Variants in UST observed in about 807,000 individuals in gnomAD.
UST encodes uronyl 2-sulfotransferase.
A neutral mutation model predicts 45.6 loss-of-function variants in UST; 21 were observed. That is an observed-to-expected ratio of 0.46 (90% confidence interval 0.33 to 0.66). The LOEUF is 0.66. Among genes scored for constraint, UST ranks in the 30% least tolerant of loss-of-function variants. The pLI is 0.02. For missense variants in UST, 463 were observed against 512.4 expected (o/e 0.90, Z 0.93); for synonymous variants, 215 against 200.6 (o/e 1.07, Z -0.61).
At position 148,748,184 on chromosome 6, in the gene UST, C is replaced by T. The variant is rs891397629; in HGVS notation, c.247+507C>T. 2.0e-5 allele frequency among the ~76,000 whole-genome samples: 3 copies of T among 152,198 alleles called. No individual in the cohort carries two copies. Among genetic ancestry groups the T allele is most frequent in the African/African-American group, 7.2e-5 (3 of 41,466 alleles). On this transcript the variant is annotated intron_variant, in intron 1 of 7. Coordinates refer to ENST00000367463, the MANE Select transcript of UST (RefSeq NM_005715.3). This position sits in a 1 kb window ranked among gnomAD's most constrained non-coding sequence, Gnocchi z 5.3. ...TTCTGTCCCGCAGATCCCCCGCCTG[C>T]CCGCCGGCCCTAGTGGCTCCGCGCT...
At chr6:148,810,560 T>A (rs897962452) in intron 1 of UST, among the ~76,000 whole-genome samples, 2 of 152,174 alleles carry the variant, frequency 1.3e-5, no homozygotes, top group Non-Finnish European at 2.9e-5. Flanking sequence ...GTAAAATCCA[T>A]CCTGCTATTT....
At chr6:148,933,717 T>C (rs565163861) in intron 2 of UST, among the ~76,000 whole-genome samples, 1 of 152,338 alleles carries the variant, frequency 6.6e-6, no homozygotes, top group South Asian at 2.1e-4. Context: ...GATGGTTTGA[T>C]GGGCAAAGGC....
At chr6:148,930,798 G>C (rs560752131) in intron 2 of UST, among the ~76,000 whole-genome samples, 1 of 152,232 alleles carries the variant, frequency 6.6e-6, no homozygotes, top group South Asian at 2.1e-4. Flanking sequence ...TTTAAATTAT[G>C]GGTTATGTTA....
In UST at chr6:148,969,432, C is replaced by T. The variant is rs533988814; in HGVS notation, c.681+4869C>T. On this transcript the variant is annotated intron_variant, in intron 5 of 7. Coordinates refer to ENST00000367463, the MANE Select transcript of UST (RefSeq NM_005715.3). ...AGATAAGGTGTATTTATATTCCCTTCTCAGCTGCCTTAGCTGGGTGACTTG... is the reference window on the plus strand; with the variant it reads ...AGATAAGGTGTATTTATATTCCCTTTTCAGCTGCCTTAGCTGGGTGACTTG... Among the ~76,000 whole-genome samples the T allele has an allele frequency of 1.2e-3, 182 of 152,306 alleles. 2 individuals are homozygous for T. Among genetic ancestry groups the T allele is most frequent in the African/African-American group, 3.9e-3 (162 of 41,554 alleles).
At chr6:149,033,793 C>T (rs1776190752) in intron 7 of UST, among the ~76,000 whole-genome samples, 1 of 152,164 alleles carries the variant, frequency 6.6e-6, no homozygotes, top group Non-Finnish European at 1.5e-5. Context: ...GATTTTACCT[C>T]CCTGCATTTT....
At chr6:148,863,449 C>T (rs972274495) in intron 1 of UST, among the ~76,000 whole-genome samples, 3 of 152,184 alleles carry the variant, frequency 2.0e-5, no homozygotes, top group East Asian at 3.8e-4. Flanking sequence ...CGAGCATCCT[C>T]CTTTAGCTCG....
Position 148,796,665 on chromosome 6 carries a change from G to A in UST, c.247+48988G>A, listed in dbSNP as rs1202015921. 2.7e-5 allele frequency among the ~76,000 whole-genome samples: 4 copies of A among 148,904 alleles called. No individual in the cohort carries two copies. The East Asian group carries it at 7.8e-4, about 29-fold the overall frequency. ...AAAAAAAAGAGCTGGAAGGGAGAGA[G>A]TGAAGCACACTGAAGTGAAAAACTG... On this transcript the variant is annotated intron_variant, in intron 1 of 7. Transcript: ENST00000367463.
At chr6:148,879,325 G>A (rs1336593452) in intron 1 of UST, among the ~76,000 whole-genome samples, 1 of 152,122 alleles carries the variant, frequency 6.6e-6, no homozygotes, top group Non-Finnish European at 1.5e-5. Context: ...ATCTCCCACC[G>A]GAAATGATGG....
chr6:148,825,423 T>C lies in UST; in HGVS notation c.248-61563T>C, dbSNP rs139376420. Among the ~76,000 whole-genome samples the C allele has an allele frequency of 4.0e-3, 604 of 152,292 alleles. 16 individuals carry two copies. The highest frequency in any genetic ancestry group is 0.034 in the Admixed American group (527 of 15,288). On this transcript the variant is annotated intron_variant, in intron 1 of 7. Coordinates refer to ENST00000367463, the MANE Select transcript of UST (RefSeq NM_005715.3). The stretch of plus-strand genomic sequence containing the variant: ...GGGTGCCTACTTACCCAAAAAAGCA[T>C]TGAAGTTAGATACAAAACATTTTTA...
chr6:149,064,440 C>A (rs1186093738), intron 7 of UST, among the ~76,000 whole-genome samples: 2 of 152,194 alleles, frequency 1.3e-5, no homozygotes, highest in Non-Finnish European at 2.9e-5. Flanking sequence ...CAATTCTTGG[C>A]ACAGAGAAAG....
intron 1 of UST, among the ~76,000 whole-genome samples, chr6:148,758,781 T>C (rs1289716526): frequency 6.6e-6 from 1 of 152,258 alleles, no homozygotes; most frequent in Admixed American, 6.5e-5. Flanking sequence ...CCATCTGGCA[T>C]GGCCAATCAC....
Position 148,977,117 on chromosome 6 carries a change from T to C in UST, c.681+12554T>C, listed in dbSNP as rs139455376. On this transcript the variant is annotated intron_variant, in intron 5 of 7. Coordinates refer to ENST00000367463, the MANE Select transcript of UST (RefSeq NM_005715.3). ...TCCCATTTATACAATAATTTGTGTT[T>C]TCCTCATTAAAGTATCACCTTTATT... Among the ~76,000 whole-genome samples the C allele has an allele frequency of 4.9e-3, 752 of 152,068 alleles. 5 individuals carry two copies. The highest frequency in any genetic ancestry group is 0.017 in the African/African-American group (694 of 41,562).
At chr6:148,858,589 C>A (rs1778248892) in intron 1 of UST, among the ~76,000 whole-genome samples, 1 of 151,894 alleles carries the variant, frequency 6.6e-6, no homozygotes, top group Admixed American at 6.6e-5. Context: ...TATTGGTGCG[C>A]TGCACCCATT....
intron 5 of UST, among the ~76,000 whole-genome samples, chr6:149,011,636 C>T (rs1024483018): frequency 5.3e-5 from 8 of 152,078 alleles, no homozygotes; most frequent in African/African-American, 1.9e-4. Flanking sequence ...CATGGCAAAA[C>T]GCTGTCTCTA....
intron 1 of UST, among the ~76,000 whole-genome samples, chr6:148,835,301 T>C (rs935926207): frequency 2.0e-5 from 3 of 152,180 alleles, no homozygotes; most frequent in African/African-American, 7.2e-5. Context: ...CTATGCCATA[T>C]AATATCAGGG....
At chr6:149,010,034 G>T (rs1213512924) in intron 5 of UST, among the ~76,000 whole-genome samples, 1 of 149,700 alleles carries the variant, frequency 6.7e-6, no homozygotes, top group African/African-American at 2.5e-5. Context: ...AAAAACTAGG[G>T]TTGTAGTCAT....
chr6:149,017,117 C>G (rs1242051757), intron 5 of UST, among the ~76,000 whole-genome samples: 1 of 152,236 alleles, frequency 6.6e-6, no homozygotes, highest in Middle Eastern at 3.2e-3. Context: ...GTGGCTCACG[C>G]CTGTAATCCC....
At chr6:148,890,847 C>T (rs1201451998) in intron 2 of UST, among the ~76,000 whole-genome samples, 3 of 152,280 alleles carry the variant, frequency 2.0e-5, no homozygotes, top group South Asian at 2.1e-4. Context: ...ACACAGAATA[C>T]GGTGGTTTAA....
intron 7 of UST, among the ~76,000 whole-genome samples, chr6:149,031,977 A>G (rs1219403511): frequency 6.6e-6 from 1 of 152,198 alleles, no homozygotes; most frequent in Non-Finnish European, 1.5e-5. Flanking sequence ...GAGGTGAGAA[A>G]GCATAGAAGC....
Sources: gnomAD v4.1 joint callset for allele counts (sites outside exome capture counted in the v4.1 genomes callset) on GRCh38, gnomAD v4.1.1 for gene constraint, Gnocchi (gnomAD v3.1) non-coding constraint, MANE v1.5 for transcripts, NCBI Gene and HGNC (gene_info 2026-07-23, HGNC 2026-07-21) for gene names.